The following DHX30 variants were observed in gnomAD, a reference collection of about 807,000 sequenced individuals.
DHX30 encodes the protein DExH-box helicase 30.
A neutral mutation model predicts 116.9 loss-of-function variants in DHX30; 4 were observed. The ratio of observed to expected loss-of-function variants is 0.03; its 90% CI spans 0.02 to 0.08. The LOEUF is 0.08. DHX30 is among the 10% of genes least tolerant of loss of function. The probability of loss-of-function intolerance (pLI) is 1.00; values close to 1 mark genes in which losing one functional copy is unlikely to be tolerated. For synonymous variants in DHX30, 697 were observed against 651.7 expected, an observed-to-expected ratio of 1.07 and a Z score of -1.06; for missense variants, 871 against 1,595.1, an observed-to-expected ratio of 0.55 and a Z score of 7.73.
intron 4 of DHX30, chr3:47,825,209 C>G: frequency 1.5e-6 from 1 of 647,258 alleles, no homozygotes. Context: ...GGGATGGCCC[C>G]CGGCGGGCCT....
rs551286475 is a variant in DHX30 at position 47,830,396 on chromosome 3, C to A, written c.366+1262C>A. On this transcript the variant is annotated intron_variant, in intron 6 of 21. Coordinates refer to ENST00000445061, the MANE Select transcript of DHX30 (RefSeq NM_138615.3). The stretch of plus-strand genomic sequence containing the variant: ...CTGGGAGGCGGAGGTTGCAGTGAGT[C>A]GAGATCACACCATTGCGCTCCAGCC... Among the ~76,000 whole-genome samples the A allele has an allele frequency of 2.4e-4, 36 of 151,436 alleles. No homozygotes were observed. The East Asian group carries it at 6.8e-3, about 29-fold the overall frequency.
chr3:47,825,246 C>T (rs1331925847), intron 4 of DHX30: 3 of 607,360 alleles, frequency 4.9e-6, no homozygotes, highest in Non-Finnish European at 8.8e-6. Context: ...GCTTGGTGAA[C>T]GGTGAGGGCA....
chr3:47,823,843 G>A (rs911679693), intron 4 of DHX30, among the ~76,000 whole-genome samples: 1 of 152,130 alleles, frequency 6.6e-6, no homozygotes, highest in Non-Finnish European at 1.5e-5. Context: ...AAGAAATCAT[G>A]GCATTTCAGC....
At chr3:47,819,103 T>C (rs2036182059) in intron 4 of DHX30, 2 of 699,818 alleles carry the variant, frequency 2.9e-6, no homozygotes, top group African/African-American at 1.9e-5. Flanking sequence ...GACAGCAGGA[T>C]AGAAATGAGT....
chr3:47,826,330 A>T (rs1370873231), intron 4 of DHX30, among the ~76,000 whole-genome samples: 5 of 152,158 alleles, frequency 3.3e-5, no homozygotes, highest in Non-Finnish European at 7.4e-5. Flanking sequence ...TCCAAAAAAC[A>T]AGAAAAAGAA....
At chr3:47,810,875 T>G (rs1299464686) in intron 3 of DHX30, among the ~76,000 whole-genome samples, 164 bp downstream of exon 3, 1 of 152,232 alleles carries the variant, frequency 6.6e-6, no homozygotes, top group Admixed American at 6.6e-5. Flanking sequence ...GCTTAGAATC[T>G]GTGCCAACCC....
chr3:47,846,416 G>A lies in DHX30; in HGVS notation c.1344G>A (p.Glu448=), dbSNP rs2037610515. 6.2e-7 allele frequency: 1 copy of A among 1,614,138 alleles called. No individual in the cohort carries two copies. The highest frequency in any genetic ancestry group is 1.1e-5 in the South Asian group (1 of 91,086). The change falls in exon 11 of 22, where the codon GAG becomes GAA. Residue 448 remains glutamate (E), a synonymous_variant. Transcript: ENST00000445061. ...PHRDTILNAI[E]QHPVVVISGD... is the part of the protein sequence containing the mutation. ...GGGACACCATCCTCAACGCCATTGA[G>A]CAGCACCCGGTGGTGGTCATCTCTG...
At chr3:47,814,083 C>A (rs2035927216) in intron 3 of DHX30, among the ~76,000 whole-genome samples, 1 of 151,438 alleles carries the variant, frequency 6.6e-6, no homozygotes, top group African/African-American at 2.4e-5. Flanking sequence ...GTGAGTGTCT[C>A]TGAATTAATA....
At chr3:47,829,873 G>C (rs528145847) in intron 6 of DHX30, among the ~76,000 whole-genome samples, 1 of 150,814 alleles carries the variant, frequency 6.6e-6, no homozygotes, top group Non-Finnish European at 1.5e-5. Context: ...ACGGAGTCTC[G>C]CTCTGTTGCC....
intron 6 of DHX30, among the ~76,000 whole-genome samples, chr3:47,834,840 T>G (rs1576498175): frequency 6.6e-6 from 1 of 152,314 alleles, no homozygotes; most frequent in East Asian, 1.9e-4. Flanking sequence ...CTTAGGTTGT[T>G]TCCGTATCTT....
At chr3:47,833,719 A>G (rs912906472) in intron 6 of DHX30, among the ~76,000 whole-genome samples, 2 of 151,406 alleles carry the variant, frequency 1.3e-5, no homozygotes, top group African/African-American at 4.9e-5. Flanking sequence ...TTAGCCGGGC[A>G]TAGTGGTGCA....
At chr3:47,823,357 G>GTT (rs556494505) in intron 4 of DHX30, among the ~76,000 whole-genome samples, 17 of 128,020 alleles carry the variant, frequency 1.3e-4, no homozygotes, top group South Asian at 2.6e-4. Flanking sequence ...CCTGGTTGTT[G>GTT]TTTTTTTTTT....
At chr3:47,833,271 T>TCC (rs572518121) in intron 6 of DHX30, among the ~76,000 whole-genome samples, 163 of 152,184 alleles carry the variant, frequency 1.1e-3, no homozygotes, top group African/African-American at 3.7e-3. Flanking sequence ...ATGCCTGTAA[T>TCC]TCCAGCAATT....
chr3:47,848,573 T>C lies in DHX30; in HGVS notation c.2575+23T>C. ...TCGGTATGTAGGGGCTGGGCTGGGC[T>C]GGGCTGGGGAGTGGCTCTCGAGGGT... On this transcript the variant is annotated intron_variant, in intron 16 of 21. Transcript: ENST00000445061. The surrounding 1 kb of genome is among the most constrained non-coding windows in gnomAD (Gnocchi z 9.4). 1 of 1,169,784 alleles carries C rather than the reference T, an allele frequency of 8.5e-7. No homozygotes were observed. Among genetic ancestry groups the C allele is most frequent in the Admixed American group, 1.8e-5 (1 of 54,970 alleles). The allele number at this position is 1,169,784 out of a possible 1,614,324, so 72.5% of individuals were successfully genotyped here. A position where few individuals can be genotyped will look rare whatever the true frequency, so the allele number is the denominator to read the frequency against.
intron 4 of DHX30, chr3:47,819,149 A>G: frequency 8.2e-7 from 1 of 1,223,010 alleles, no homozygotes; most frequent in Non-Finnish European, 1.1e-6. Flanking sequence ...TTAGGTTTTA[A>G]AGAAATGCCA....
At chr3:47,833,323 G>A (rs1352623892) in intron 6 of DHX30, among the ~76,000 whole-genome samples, 2 of 151,866 alleles carry the variant, frequency 1.3e-5, no homozygotes, top group African/African-American at 2.4e-5. Flanking sequence ...CCACGAGTTT[G>A]AGACAAGCCT....
At position 47,848,021 on chromosome 3, in the gene DHX30, A is replaced by G. The variant is rs2037694473; in HGVS notation, c.2286+65A>G. On this transcript the variant is annotated intron_variant, in intron 14 of 21. Coordinates refer to ENST00000445061, the MANE Select transcript of DHX30 (RefSeq NM_138615.3). This position sits in a 1 kb window ranked among gnomAD's most constrained non-coding sequence, Gnocchi z 9.4. ...GGGACTCCGTTTTGAGGTGGTCCCC[A>G]GCCCAGATCTACCTTAGACCTGCTT... is the stretch of plus-strand genomic sequence containing the variant. 1 of 1,599,754 alleles carries G rather than the reference A, an allele frequency of 6.3e-7. No homozygotes were observed. The highest frequency in any genetic ancestry group is 8.5e-7 in the Non-Finnish European group (1 of 1,170,202).
At chr3:47,839,744 C>T (rs1351851904) in intron 6 of DHX30, among the ~76,000 whole-genome samples, 2 of 152,058 alleles carry the variant, frequency 1.3e-5, no homozygotes, top group Non-Finnish European at 2.9e-5. Flanking sequence ...AGCCCCATCT[C>T]AGCTCACTGC....
In DHX30 at chr3:47,850,016, C is replaced by T. The variant is rs760205925; in HGVS notation, c.3481C>T (p.Pro1161Ser). 2 of 1,609,906 alleles carry T rather than the reference C, an allele frequency of 1.2e-6. No homozygotes were observed. Among genetic ancestry groups the T allele is most frequent in the Non-Finnish European group, 1.7e-6 (2 of 1,179,006 alleles). ...RSLRSELAAL[P>S]PSVQEEHGQL... ...CCTGCGCAGCGAGCTGGCTGCACTT[C>T]CCCCCAGCGTACAGGAGGAGCACGG... Residue 1161 changes from proline (P) to serine (S), a missense_variant, in exon 22 of 22, where the codon CCC becomes TCC. By Grantham distance (74) the Pro-to-Ser change is moderately conservative. Coordinates refer to ENST00000445061, the MANE Select transcript of DHX30 (RefSeq NM_138615.3).
Sources: gnomAD v4.1 joint callset for allele counts (sites outside exome capture counted in the v4.1 genomes callset) on GRCh38, gnomAD v4.1.1 for gene constraint, Gnocchi (gnomAD v3.1) non-coding constraint, MANE v1.5 for transcripts, NCBI Gene and HGNC (gene_info 2026-07-23, HGNC 2026-07-21) for gene names.